The following DENND2B variants were observed in gnomAD, a reference collection of about 807,000 sequenced individuals.
DENND2B encodes DENN domain containing 2B.
A neutral mutation model predicts 116.0 loss-of-function variants in DENND2B; 32 were observed. The observed-to-expected ratio is 0.28, with a 90% confidence interval of 0.21 to 0.37. DENND2B has a LOEUF of 0.37. Among genes scored for constraint, DENND2B ranks in the 10% least tolerant of loss-of-function variants. DENND2B has a pLI of 1.00. For synonymous variants in DENND2B, 588 were observed against 583.9 expected (o/e 1.01, Z -0.10); for missense variants, 1,276 against 1,477.7 (o/e 0.86, Z 2.24).
intron 1 of DENND2B, among the ~76,000 whole-genome samples, chr11:8,784,837 CAA>C (rs112292066): frequency 0.046 from 5,874 of 128,508 alleles, 379 homozygotes; most frequent in African/African-American, 0.15. Context: ...GACTCCTTCT[CAA>C]AAAAAAAAAA....
intron 1 of DENND2B, among the ~76,000 whole-genome samples, chr11:8,779,306 G>C (rs936821540): frequency 3.9e-5 from 6 of 152,192 alleles, no homozygotes; most frequent in Non-Finnish European, 5.9e-5. Context: ...CCAAGGCAGA[G>C]AGAGTGGCAA....
chr11:8,790,719 T>A (rs1593739128), intron 1 of DENND2B, among the ~76,000 whole-genome samples: 1 of 152,192 alleles, frequency 6.6e-6, no homozygotes, highest in South Asian at 2.1e-4. Context: ...CAGTGAGGTG[T>A]GATAGCATCA....
At chr11:8,711,848 CAA>C (rs1430764409) in intron 9 of DENND2B, 5 of 354,980 alleles carry the variant, frequency 1.4e-5, no homozygotes, top group East Asian at 7.5e-5. Flanking sequence ...GCCTCTGTAA[CAA>C]GAGCGAAACT....
At chr11:8,886,215 G>T in intron 1 of DENND2B, among the ~76,000 whole-genome samples, 1 of 152,076 alleles carries the variant, frequency 6.6e-6, no homozygotes, top group East Asian at 1.9e-4. Flanking sequence ...GATTACAGGC[G>T]TGAGCCACCA....
intron 2 of DENND2B, among the ~76,000 whole-genome samples, chr11:8,858,069 A>G (rs1473390425): frequency 2.0e-5 from 3 of 152,160 alleles, no homozygotes; most frequent in African/African-American, 7.2e-5. Context: ...TGGCCATGTT[A>G]TGATAGCAAA....
chr11:8,742,326 A>T (rs1194783398), intron 2 of DENND2B, among the ~76,000 whole-genome samples: 4 of 152,118 alleles, frequency 2.6e-5, no homozygotes, highest in Non-Finnish European at 4.4e-5. Flanking sequence ...TATGCCATTA[A>T]ATTTTTTTTT....
chr11:8,801,402 C>T (rs1441988198), intron 1 of DENND2B, among the ~76,000 whole-genome samples: 1 of 152,010 alleles, frequency 6.6e-6, no homozygotes, highest in African/African-American at 2.4e-5. Flanking sequence ...AGCTGCCTGG[C>T]GTGGTGGCTC....
intron 1 of DENND2B, among the ~76,000 whole-genome samples, chr11:8,774,890 C>CT (rs1036973672): frequency 4.1e-5 from 6 of 147,174 alleles, no homozygotes; most frequent in African/African-American, 7.9e-5. Flanking sequence ...ATTATTTTCA[C>CT]TTTTTTTTGA....
At chr11:8,766,863 T>C (rs1180551634) in intron 1 of DENND2B, among the ~76,000 whole-genome samples, 2 of 152,186 alleles carry the variant, frequency 1.3e-5, no homozygotes, top group African/African-American at 4.8e-5. Context: ...TTTTTCATGC[T>C]AATTTCCCTG....
At chr11:8,713,472 C>A (rs575821991) in intron 8 of DENND2B, among the ~76,000 whole-genome samples, 9 of 152,202 alleles carry the variant, frequency 5.9e-5, no homozygotes, top group Admixed American at 3.3e-4. Flanking sequence ...CTCCGCCTCC[C>A]GGGTTCAAGT....
In DENND2B at chr11:8,893,033, G is replaced by A. The variant is rs527917781; in HGVS notation, c.-255-11924C>T. Among the ~76,000 whole-genome samples, 32 of 152,166 alleles carry A rather than the reference G, an allele frequency of 2.1e-4. No individual in the cohort carries two copies. In the South Asian group the frequency reaches 2.7e-3, roughly 13 times the overall value. On this transcript the variant is annotated intron_variant, in intron 1 of 22. Transcript: ENST00000534127. ...GGCAAACCGAATCCAGCAGCACATC[G>A]AAAAGCTTATCCACCATGATCAAGT...
chr11:8,880,784 A>G (rs778650419), intron 2 of DENND2B, among the ~76,000 whole-genome samples: 8 of 152,158 alleles, frequency 5.3e-5, no homozygotes, highest in African/African-American at 9.7e-5. Context: ...TTTTATTCCT[A>G]GTGATTTCGA....
chr11:8,808,600 T>C (rs1370055662), intron 1 of DENND2B: 1 of 152,194 alleles, frequency 6.6e-6, no homozygotes, highest in Admixed American at 6.5e-5. Context: ...AGAAGGCACT[T>C]TATAAAATGA....
intron 4 of DENND2B, chr11:8,832,620 A>G (rs1249946646): frequency 6.6e-6 from 1 of 152,464 alleles, no homozygotes; most frequent in Admixed American, 6.5e-5. Context: ...TGAGGCAGCC[A>G]CACCCCACAC....
intron 1 of DENND2B, among the ~76,000 whole-genome samples, chr11:8,770,151 T>C (rs1045316089): frequency 6.6e-6 from 1 of 152,198 alleles, no homozygotes; most frequent in Non-Finnish European, 1.5e-5. Flanking sequence ...TAAACTACAA[T>C]TACTTTGCAA....
At chr11:8,896,527 A>G (rs1172284663) in intron 1 of DENND2B, among the ~76,000 whole-genome samples, 1 of 152,228 alleles carries the variant, frequency 6.6e-6, no homozygotes, top group East Asian at 1.9e-4. Flanking sequence ...ATCGTTTAAC[A>G]TAAAGCCGCA....
intron 1 of DENND2B, among the ~76,000 whole-genome samples, chr11:8,901,355 G>A (rs981353709): frequency 2.7e-5 from 4 of 148,536 alleles, no homozygotes; most frequent in South Asian, 2.2e-4. Context: ...TCAGCCTCCC[G>A]AGTAGCTGGG....
chr11:8,899,918 A>C (rs182150514), intron 1 of DENND2B, among the ~76,000 whole-genome samples: 2 of 152,238 alleles, frequency 1.3e-5, no homozygotes, highest in Non-Finnish European at 2.9e-5. Flanking sequence ...TGAATGTAAT[A>C]TAACAGCATG....
At chr11:8,804,614 A>T (rs2060671284) in intron 1 of DENND2B, among the ~76,000 whole-genome samples, 2 of 144,876 alleles carry the variant, frequency 1.4e-5, no homozygotes, top group African/African-American at 5.1e-5. Flanking sequence ...GTGCGATCTC[A>T]GCTCACTGCA....
Sources: gnomAD v4.1 joint callset for allele counts (sites outside exome capture counted in the v4.1 genomes callset) on GRCh38, gnomAD v4.1.1 for gene constraint, MANE v1.5 for transcripts, NCBI Gene and HGNC (gene_info 2026-07-23, HGNC 2026-07-21) for gene names.